The following DCX variants were observed in gnomAD, a reference collection of about 807,000 sequenced individuals.
The protein encoded by DCX is doublecortin.
Under a neutral mutation model 20.9 loss-of-function variants are expected in DCX, and 4 were observed. The observed-to-expected ratio is 0.19, with a 90% CI of 0.09 to 0.44. The LOEUF is 0.44. DCX is among the 20% of genes least tolerant of loss of function. DCX has a pLI of 0.99. For synonymous variants in DCX, 103 were observed against 111.4 expected, an observed-to-expected ratio of 0.92 and a Z score of 0.47; for missense variants, 133 against 296.9, an observed-to-expected ratio of 0.45 and a Z score of 4.06.
chrX:111,390,674 C>T (rs775168423), intron 3 of DCX, among the ~76,000 whole-genome samples: 5 of 111,269 alleles, frequency 4.5e-5, no homozygotes, highest in African/African-American at 1.6e-4. Flanking sequence ...ACTCAAACTG[C>T]ATATCTGATC....
intron 3 of DCX, among the ~76,000 whole-genome samples, chrX:111,379,718 G>A (rs1233323153): frequency 9.0e-6 from 1 of 111,687 alleles, no homozygotes; most frequent in Admixed American, 9.5e-5. Flanking sequence ...TTATTTCTCT[G>A]GAGTAGAATT....
chrX:111,368,772 G>A (rs1255728876), intron 3 of DCX, among the ~76,000 whole-genome samples: 1 of 110,215 alleles, frequency 9.1e-6, no homozygotes. Flanking sequence ...AAATTAATCT[G>A]TATTCCCTAA....
At position 111,302,004 on chromosome X, in the gene DCX, T is replaced by C. The variant is rs763547908; in HGVS notation, c.1045-261A>G. 1.4e-4 allele frequency among the ~76,000 whole-genome samples: 15 copies of C among 110,550 alleles called. No homozygotes were observed. In the South Asian group the frequency reaches 5.5e-3, roughly 41 times the overall value. The stretch of plus-strand genomic sequence containing the variant: ...GTATGTGTGTGTGTGTATATTCCTA[T>C]GCAATTTTATCATGTGTGTATATTT... On this transcript the variant is annotated intron_variant, in intron 6 of 6. Coordinates refer to ENST00000636035, the MANE Select transcript of DCX (RefSeq NM_001195553.2).
intron 3 of DCX, among the ~76,000 whole-genome samples, chrX:111,345,447 T>C (rs986451393): frequency 1.8e-5 from 2 of 111,208 alleles, no homozygotes; most frequent in Non-Finnish European, 3.8e-5. Flanking sequence ...ATCATCAGAG[T>C]GAACAGGCAA....
intron 3 of DCX, among the ~76,000 whole-genome samples, chrX:111,344,825 T>C (rs933612730): frequency 2.3e-4 from 26 of 111,833 alleles, no homozygotes; most frequent in Non-Finnish European, 4.7e-4. Context: ...CCCAAAGTAA[T>C]TTATATATTC....
intron 3 of DCX, among the ~76,000 whole-genome samples, chrX:111,382,836 T>C (rs1411803581): frequency 9.0e-6 from 1 of 111,392 alleles, no homozygotes; most frequent in East Asian, 2.8e-4. Flanking sequence ...TAGGGAATCA[T>C]CTCACATTTT....
chrX:111,310,522 A>AT, intron 6 of DCX, among the ~76,000 whole-genome samples: 1 of 111,405 alleles, frequency 9.0e-6, no homozygotes, highest in Non-Finnish European at 1.9e-5. Context: ...GTTGTTTATT[A>AT]TTTTTGCAAC....
intron 3 of DCX, among the ~76,000 whole-genome samples, chrX:111,345,385 T>C (rs1922713665): frequency 9.0e-6 from 1 of 111,504 alleles, no homozygotes; most frequent in African/African-American, 3.3e-5. Flanking sequence ...AAGCCAAAAA[T>C]GACAAATAGG....
At position 111,301,598 on chromosome X, in the gene DCX, A is replaced by C; in HGVS notation, c.*89T>G. The C allele has an allele frequency of 1.1e-6, 1 of 899,887 alleles. No individual in the cohort carries two copies. Among genetic ancestry groups the C allele is most frequent in the Non-Finnish European group, 1.6e-6 (1 of 610,931 alleles). The allele number at this position is 899,887 out of a possible 1,213,427, so 74.2% of individuals were successfully genotyped here. A position where few individuals can be genotyped will look rare whatever the true frequency, so the allele number is the denominator to read the frequency against. ...AACAAAATAAAAACTTGAAAGCACC[A>C]ATAGCCCTGTTGGACACTTGAGCAG... On this transcript the variant is annotated 3_prime_UTR_variant, in exon 7 of 7. Coordinates refer to ENST00000636035, the MANE Select transcript of DCX (RefSeq NM_001195553.2).
intron 5 of DCX, among the ~76,000 whole-genome samples, chrX:111,321,534 G>C (rs189568671): frequency 6.5e-4 from 72 of 111,594 alleles, no homozygotes; most frequent in African/African-American, 2.2e-3. Context: ...TTAAATATAT[G>C]GGGGAAAATG....
At chrX:111,404,176 G>A (rs772958862) in intron 2 of DCX, among the ~76,000 whole-genome samples, 10 of 111,085 alleles carry the variant, frequency 9.0e-5, no homozygotes, top group East Asian at 5.6e-4. Flanking sequence ...GAATAGAAGC[G>A]AGAACAAGAA....
chrX:111,409,551 T>TAATC (rs752515995), intron 2 of DCX, among the ~76,000 whole-genome samples: 2 of 112,149 alleles, frequency 1.8e-5, no homozygotes, highest in Admixed American at 1.9e-4. Context: ...CCTAAAAGAA[T>TAATC]AATCCTCTGT....
chrX:111,352,433 T>G (rs2147674807), intron 3 of DCX, among the ~76,000 whole-genome samples: 1 of 112,368 alleles, frequency 8.9e-6, no homozygotes, highest in South Asian at 3.8e-4. Context: ...TTTATCTCAT[T>G]TCCCAGGGTG....
At chrX:111,369,532 G>A (rs1435049509) in intron 3 of DCX, among the ~76,000 whole-genome samples, 1 of 111,471 alleles carries the variant, frequency 9.0e-6, no homozygotes, top group Admixed American at 9.6e-5. Flanking sequence ...TATTTTAACA[G>A]AGACCTCTAG....
intron 6 of DCX, among the ~76,000 whole-genome samples, chrX:111,304,886 C>T (rs949219959): frequency 6.3e-5 from 7 of 111,286 alleles, no homozygotes; most frequent in African/African-American, 1.3e-4. Flanking sequence ...AGAAAAGAAG[C>T]GAGATGGCCC....
At chrX:111,409,938 A>C in intron 2 of DCX, 97 bp downstream of exon 2, 2 of 1,134,266 alleles carry the variant, frequency 1.8e-6, no homozygotes, top group South Asian at 1.8e-5. Flanking sequence ...GTTTTGAAAA[A>C]TACATTGCCT....
intron 3 of DCX, among the ~76,000 whole-genome samples, chrX:111,337,373 A>G (rs1921829343): frequency 9.0e-6 from 1 of 110,652 alleles, no homozygotes; most frequent in South Asian, 3.9e-4. Context: ...CATTAACTCA[A>G]TGCTCTTCCT....
intron 3 of DCX, among the ~76,000 whole-genome samples, chrX:111,371,886 A>G (rs1925112026): frequency 9.1e-6 from 1 of 110,266 alleles, no homozygotes; most frequent in East Asian, 2.9e-4. Flanking sequence ...TGTATTAATT[A>G]TATGCACATT....
intron 2 of DCX, among the ~76,000 whole-genome samples, chrX:111,402,889 G>C (rs1271119884): frequency 9.2e-6 from 1 of 108,515 alleles, no homozygotes; most frequent in Non-Finnish European, 1.9e-5. Flanking sequence ...CAGTCCCAGA[G>C]TTCTATCTTG....
Sources: allele counts gnomAD v4.1 joint callset (sites outside exome capture counted in the v4.1 genomes callset), GRCh38; gene constraint gnomAD v4.1.1; transcripts MANE v1.5; gene names NCBI Gene and HGNC (gene_info 2026-07-23, HGNC 2026-07-21).